GPSM1: variants seen among roughly 807,000 people sequenced by gnomAD.
GPSM1 encodes the protein G protein-signaling modulator 1.
Under a neutral mutation model 70.5 loss-of-function variants are expected in GPSM1, and 48 were observed. The observed-to-expected ratio is 0.68, with a 90% confidence interval of 0.54 to 0.87. The LOEUF is 0.87. Ranked by LOEUF, GPSM1 falls within the 40% of genes least tolerant of loss-of-function variation. The pLI is 0.00. For synonymous variants in GPSM1, 416 were observed against 430.1 expected (o/e 0.97, Z 0.41); for missense variants, 981 against 972.6 (o/e 1.01, Z -0.11).
chr9:136,347,481 G>A (rs1832550713), intron 9 of GPSM1, among the ~76,000 whole-genome samples: 1 of 152,152 alleles, frequency 6.6e-6, no homozygotes, highest in Admixed American at 6.5e-5. Flanking sequence ...CCAGCTGCGA[G>A]AGTCTCCCTG....
chr9:136,343,317 G>A lies in GPSM1; in HGVS notation c.1207+2324G>A, dbSNP rs1486143769. On this transcript the variant is annotated intron_variant, in intron 9 of 13. Coordinates refer to ENST00000440944, the MANE Select transcript of GPSM1 (RefSeq NM_001145638.3). This position sits in a 1 kb window ranked among gnomAD's most constrained non-coding sequence, Gnocchi z 6.0. ...CGGAGGCTCTGCTGCCACTCTTGGTGCGGGCAGCATGATTGGCATGTTGGG... is the reference window on the plus strand; with the variant it reads ...CGGAGGCTCTGCTGCCACTCTTGGTACGGGCAGCATGATTGGCATGTTGGG... Among the ~76,000 whole-genome samples the A allele has an allele frequency of 2.6e-5, 4 of 152,162 alleles. No homozygotes were observed. The highest frequency in any genetic ancestry group is 9.6e-5 in the African/African-American group (4 of 41,500).
At chr9:136,344,372 G>A (rs3935875) in intron 9 of GPSM1, among the ~76,000 whole-genome samples, 32,689 of 152,136 alleles carry the variant, frequency 0.21, 3,842 homozygotes, top group Admixed American at 0.26. Flanking sequence ...AACAGCAGAC[G>A]TTTACTCCTC....
chr9:136,340,910 T>C lies in GPSM1; in HGVS notation c.1124T>C (p.Val375Ala), dbSNP rs1554770122. 1 of 1,575,426 alleles carries C rather than the reference T, an allele frequency of 6.3e-7. No homozygotes were observed. Among genetic ancestry groups the C allele is most frequent in the Non-Finnish European group, 8.6e-7 (1 of 1,162,044 alleles). ...RHGELTARMN[V>A]AQLQLVLGRL... ...GGGGAGCTCACGGCCCGCATGAACG[T>C]GGCGCAGCTGCAGCTGGTGCTCGGC... The change falls in exon 9 of 14, where the codon GTG becomes GCG. Residue 375 changes from valine to alanine, a missense_variant. Val to Ala is a moderately conservative substitution (Grantham distance 64). Coordinates refer to ENST00000440944, the MANE Select transcript of GPSM1 (RefSeq NM_001145638.3). This position sits in a 1 kb window ranked among gnomAD's most constrained non-coding sequence, Gnocchi z 7.3.
At chr9:136,332,098 G>C in intron 1 of GPSM1, 1 of 399,096 alleles carries the variant, frequency 2.5e-6, no homozygotes, top group Non-Finnish European at 4.4e-6. Flanking sequence ...CCCCGCCCCC[G>C]CCCGCTGCTG....
At chr9:136,352,614 G>A (rs1041084760) in intron 11 of GPSM1, among the ~76,000 whole-genome samples, 2 of 152,362 alleles carry the variant, frequency 1.3e-5, no homozygotes, top group Middle Eastern at 3.4e-3. Flanking sequence ...GGGAGCCACC[G>A]AGGGCTGTGG....
Position 136,327,769 on chromosome 9 carries a change from A to T in GPSM1, c.68+6A>T. On this transcript the variant is annotated splice_donor_region_variant and intron_variant, in intron 1 of 13. Coordinates refer to ENST00000440944, the MANE Select transcript of GPSM1 (RefSeq NM_001145638.3). ...GCCAGGCGCCTCTACTCCAGGTAGG[A>T]CGGGCCGGGGCCGGGGCCGGGGCCG... 1 of 1,149,654 alleles carries T rather than the reference A, an allele frequency of 8.7e-7. No individual in the cohort carries two copies. The highest frequency in any genetic ancestry group is 4.2e-5 in the South Asian group (1 of 23,660). The allele number at this position is 1,149,654 out of a possible 1,614,324, so 71.2% of individuals were successfully genotyped here. A position where few individuals can be genotyped will look rare whatever the true frequency, so the allele number is the denominator to read the frequency against.
Position 136,359,553 on chromosome 9 carries a change from G to A in GPSM1, c.*1333G>A, listed in dbSNP as rs915913722. 4 of 152,336 alleles carry A rather than the reference G, an allele frequency of 2.6e-5. No individual in the cohort carries two copies. The highest frequency in any genetic ancestry group is 9.7e-5 in the African/African-American group (4 of 41,432). The allele number at this position is 152,336 out of a possible 1,614,324, so 9.4% of individuals were successfully genotyped here. A position where few individuals can be genotyped will look rare whatever the true frequency, so the allele number is the denominator to read the frequency against. On this transcript the variant is annotated 3_prime_UTR_variant, in exon 14 of 14. Transcript: ENST00000440944. ...CAATGGGTCCTTTCCAACCCAAGAG[G>A]TACATTTGTTTTTCTGTTTTTCCTG...
rs144658137 is a variant in GPSM1, at chr9:136,348,730, C to T, written c.1241C>T (p.Ala414Val). ...ARPKRTQRLS[A>V]ETWDLLRLPL... The stretch of plus-strand genomic sequence containing the variant: ...CCCAAGAGGACGCAGAGGCTGAGCG[C>T]GGAGACCTGGGACCTGCTGAGACTC... Residue 414 changes from alanine (A) to valine (V), a missense_variant, in exon 10 of 14, where the codon GCG (alanine) becomes GTG (valine). Coordinates refer to ENST00000440944, the MANE Select transcript of GPSM1 (RefSeq NM_001145638.3). 120 of 1,612,210 alleles carry T rather than the reference C, an allele frequency of 7.4e-5. No individual in the cohort carries two copies. Among genetic ancestry groups the T allele is most frequent in the African/African-American group, 1.5e-4 (11 of 74,906 alleles).
At position 136,352,193 on chromosome 9, in the gene GPSM1, CACCGATGCTGCGCCGT is replaced by C. The variant is rs1832687115; in HGVS notation, c.1455+2431_1455+2446del. 2.7e-5 allele frequency among the ~76,000 whole-genome samples: 2 copies of C among 74,762 alleles called. 1 individual carries two copies. Among genetic ancestry groups the C allele is most frequent in the Non-Finnish European group, 5.4e-5 (2 of 37,282 alleles). The allele number at this position is 74,762 out of a possible 152,430, so 49.0% of individuals were successfully genotyped here. On this transcript the variant is annotated intron_variant, in intron 11 of 13. Coordinates refer to ENST00000440944, the MANE Select transcript of GPSM1 (RefSeq NM_001145638.3). ...AATGCTGCGCCGTTGCTGTTGGTGACACCGATGCTGCGCCGTTGCTGTTGGTGACACCGATGCTGCG... is the reference window on the plus strand; with the variant it reads ...AATGCTGCGCCGTTGCTGTTGGTGACTGCTGTTGGTGACACCGATGCTGCG...
At chr9:136,333,845 G>T (rs1312283120) in intron 1 of GPSM1, among the ~76,000 whole-genome samples, 1 of 152,146 alleles carries the variant, frequency 6.6e-6, no homozygotes, top group South Asian at 2.1e-4. Flanking sequence ...CCACACCTCC[G>T]CAGCACTGGT....
At position 136,337,475 on chromosome 9, in the gene GPSM1, C is replaced by A; in HGVS notation, c.613C>A (p.Arg205Ser). ...GTCCCTGGTGAAGGAGCTGGGCGAC[C>A]GTGCGGCGCAGGGCAGGGCCTACGG... ...NLSLVKELGD[R>S]AAQGRAYGNL... The change falls in exon 5 of 14, where the codon CGT becomes AGT. Residue 205 changes from arginine to serine, a missense_variant. Arg to Ser is a moderately radical substitution (Grantham distance 110, BLOSUM62 -1). Transcript: ENST00000440944. 4.5e-6 allele frequency: 7 copies of A among 1,568,082 alleles called. No individual in the cohort carries two copies. Among genetic ancestry groups the A allele is most frequent in the South Asian group, 2.3e-5 (2 of 85,276 alleles).
intron 1 of GPSM1, among the ~76,000 whole-genome samples, chr9:136,331,682 G>C (rs62581062): frequency 0.29 from 44,676 of 152,202 alleles, 7,601 homozygotes; most frequent in Middle Eastern, 0.48. Context: ...CGTTTGCAGA[G>C]GAGTTGGCGG....
At position 136,357,999 on chromosome 9, in the gene GPSM1, A is replaced by G; in HGVS notation, c.1822-15A>G. 1.2e-6 allele frequency: 2 copies of G among 1,608,532 alleles called. No homozygotes were observed. Among genetic ancestry groups the G allele is most frequent in the East Asian group, 2.2e-5 (1 of 44,834 alleles). On this transcript the variant is annotated splice_polypyrimidine_tract_variant and intron_variant, in intron 13 of 13. Transcript: ENST00000440944. ...CTGGGGGGGTGAGGCCGCCAACTGC[A>G]CTGTGTCCACCCAGTCCTCCAGGAT...
At position 136,356,432 on chromosome 9, in the gene GPSM1, CCAGCGTGGG is replaced by C. The variant is rs781986274; in HGVS notation, c.1708_1716del (p.Val570_Ser572del). 6.8e-6 allele frequency: 11 copies of C among 1,610,882 alleles called. No homozygotes were observed. Among genetic ancestry groups the C allele is most frequent in the South Asian group, 2.2e-5 (2 of 90,968 alleles). Reference sequence around the variant, plus strand: ...AGCCGCCGGCTGGACGACCAGCGGGCCAGCGTGGGCAGCCTGCCGGGGCTGCGAATCACC... The same window carrying C: ...AGCCGCCGGCTGGACGACCAGCGGGCCAGCCTGCCGGGGCTGCGAATCACC... On this transcript the variant is annotated inframe_deletion, in exon 13 of 14. Coordinates refer to ENST00000440944, the MANE Select transcript of GPSM1 (RefSeq NM_001145638.3).
Position 136,357,957 on chromosome 9 carries a change from G to A in GPSM1, c.1822-57G>A, listed in dbSNP as rs1304705526. 6 of 1,405,762 alleles carry A rather than the reference G, an allele frequency of 4.3e-6. No individual in the cohort carries two copies. The African/African-American group carries it at 8.5e-5, about 20-fold the overall frequency. 87.1% of individuals were successfully genotyped at this position (1,405,762 alleles called of 1,614,324 possible). A position where few individuals can be genotyped will look rare whatever the true frequency, so the allele number is the denominator to read the frequency against. On this transcript the variant is annotated intron_variant, in intron 13 of 13. Transcript: ENST00000440944. ...CCTCTGGAACCACCGCTGCTGACCAGCCCCGGACCACTGGGGCTGGGGGGG... is the reference window on the plus strand; with the variant it reads ...CCTCTGGAACCACCGCTGCTGACCAACCCCGGACCACTGGGGCTGGGGGGG...
chr9:136,346,708 C>T (rs782226512), intron 9 of GPSM1, among the ~76,000 whole-genome samples: 6 of 152,206 alleles, frequency 3.9e-5, no homozygotes, highest in Non-Finnish European at 8.8e-5. Flanking sequence ...GACACTCGGG[C>T]CCATTTCCTC....
intron 1 of GPSM1, among the ~76,000 whole-genome samples, chr9:136,332,902 G>C (rs1312531795): frequency 6.6e-6 from 1 of 151,788 alleles, no homozygotes; most frequent in Admixed American, 6.6e-5. Flanking sequence ...CCAGATACTT[G>C]GGAGGCTGAG....
rs908527491 is a variant in GPSM1, at chr9:136,348,621, C to T, written c.1208-76C>T. ...CATGGCCGGGCTGGTCCTTGGCCCC[C>T]CAGAGACTCTGGCCTGGCCCACCCA... On this transcript the variant is annotated intron_variant, in intron 9 of 13. Coordinates refer to ENST00000440944, the MANE Select transcript of GPSM1 (RefSeq NM_001145638.3). The T allele has an allele frequency of 5.8e-4, 667 of 1,153,228 alleles. 3 individuals carry two copies. Among genetic ancestry groups the T allele is most frequent in the Non-Finnish European group, 7.6e-4 (605 of 799,992 alleles). The allele number at this position is 1,153,228 out of a possible 1,614,324, so 71.4% of individuals were successfully genotyped here. A position where few individuals can be genotyped will look rare whatever the true frequency, so the allele number is the denominator to read the frequency against.
Position 136,345,659 on chromosome 9 carries a change from C to CT in GPSM1, c.1208-3037dup, listed in dbSNP as rs200055225. On this transcript the variant is annotated intron_variant, in intron 9 of 13. Transcript: ENST00000440944. Reference sequence around the variant, plus strand: ...GAAACCAACTTAGGCCCCCATGGCACTGGGGGCGGCAGAGGGAGAGCCAGG... The same window carrying CT: ...GAAACCAACTTAGGCCCCCATGGCACTTGGGGGCGGCAGAGGGAGAGCCAGG... 7.7e-3 allele frequency among the ~76,000 whole-genome samples: 1,167 copies of CT among 152,332 alleles called. 56 individuals are homozygous for CT. The highest frequency in any genetic ancestry group is 0.02 in the East Asian group (103 of 5,184).
Sources: gnomAD v4.1 joint callset for allele counts (sites outside exome capture counted in the v4.1 genomes callset) on GRCh38, gnomAD v4.1.1 for gene constraint, Gnocchi (gnomAD v3.1) non-coding constraint, MANE v1.5 for transcripts, NCBI Gene and HGNC (gene_info 2026-07-23, HGNC 2026-07-21) for gene names.